Variants in DTHD1 observed in about 807,000 individuals in gnomAD.
DTHD1 encodes the protein death domain-containing protein 1.
In DTHD1, 59 loss-of-function variants were observed where a neutral mutation model predicts 74.8. That is an observed-to-expected ratio of 0.79 (90% CI 0.64 to 0.98). The LOEUF is 0.98. DTHD1 is among the 50% of genes least tolerant of loss of function. DTHD1 has a pLI of 0.00. For missense variants in DTHD1, 1,051 were observed against 1,065.4 expected (o/e 0.99, Z 0.19); for synonymous variants, 365 against 371.1 (o/e 0.98, Z 0.19).
intron 5 of DTHD1, among the ~76,000 whole-genome samples, chr4:36,302,450 C>G (rs926057073): frequency 2.6e-5 from 4 of 152,094 alleles, no homozygotes; most frequent in Non-Finnish European, 5.9e-5. Flanking sequence ...GGTAAGCACT[C>G]AGGTCATTTG....
intron 8 of DTHD1, among the ~76,000 whole-genome samples, chr4:36,326,317 T>G (rs1758340981): frequency 6.7e-6 from 1 of 149,930 alleles, no homozygotes; most frequent in Admixed American, 6.7e-5. Flanking sequence ...AATTTTTATT[T>G]ATATAAAAAT....
At position 36,294,853 on chromosome 4, in the gene DTHD1, A is replaced by G; in HGVS notation, c.1457A>G (p.Tyr486Cys). The G allele has an allele frequency of 6.4e-7, 1 of 1,551,370 alleles. No individual in the cohort carries two copies. Reference sequence around the variant, plus strand: ...TTAAAAGCACAGCAAGATACTTTCTACTCAGTCCAATCCACAAGCCCTCTG... The same window carrying G: ...TTAAAAGCACAGCAAGATACTTTCTGCTCAGTCCAATCCACAAGCCCTCTG... ...AHLKAQQDTF[Y>C]SVQSTSPLIH... Residue 486 changes from tyrosine to cysteine, a missense_variant, in exon 5 of 10, where the codon TAC becomes TGC. By Grantham distance (194) the Tyr-to-Cys change is radical. Transcript: ENST00000639862.
At position 36,346,313 on chromosome 4, in the gene DTHD1, C is replaced by T. The variant is rs947426165; in HGVS notation, c.*2489C>T. On this transcript the variant is annotated 3_prime_UTR_variant, in exon 10 of 10. Coordinates refer to ENST00000639862, the MANE Select transcript of DTHD1 (RefSeq NM_001170700.3). ...GCACATATACAATCTCATTAAAACACTCCCTGTCATAACCCTCCCGTCTTT... is the reference window on the plus strand; with the variant it reads ...GCACATATACAATCTCATTAAAACATTCCCTGTCATAACCCTCCCGTCTTT... Among the ~76,000 whole-genome samples the T allele has an allele frequency of 2.0e-5, 3 of 151,938 alleles. No homozygotes were observed. The highest frequency in any genetic ancestry group is 7.2e-5 in the African/African-American group (3 of 41,386).
chr4:36,285,510 A>G (rs538837232), intron 2 of DTHD1, among the ~76,000 whole-genome samples: 5 of 152,164 alleles, frequency 3.3e-5, no homozygotes, highest in Non-Finnish European at 7.4e-5. Flanking sequence ...CATAACTTCA[A>G]AAAAGTGAGA....
chr4:36,282,069 A>G, intron 1 of DTHD1, 40 bp downstream of exon 1: 1 of 1,488,072 alleles, frequency 6.7e-7, no homozygotes, highest in Non-Finnish European at 9.0e-7. Context: ...TCTCTAAGAA[A>G]TATTGATTAG....
chr4:36,289,597 A>T (rs1755931587), intron 2 of DTHD1, among the ~76,000 whole-genome samples: 1 of 152,172 alleles, frequency 6.6e-6, no homozygotes, highest in Non-Finnish European at 1.5e-5. Context: ...TTGTGAGAAT[A>T]GTGTGTAACC....
At position 36,283,959 on chromosome 4, in the gene DTHD1, C is replaced by A; in HGVS notation, c.272-17C>A. 1 of 1,464,600 alleles carries A rather than the reference C, an allele frequency of 6.8e-7. No homozygotes were observed. Among genetic ancestry groups the A allele is most frequent in the Non-Finnish European group, 9.2e-7 (1 of 1,086,526 alleles). 90.7% of individuals were successfully genotyped at this position (1,464,600 alleles called of 1,614,324 possible). On this transcript the variant is annotated splice_polypyrimidine_tract_variant and intron_variant, in intron 1 of 9. Transcript: ENST00000639862. ...GTTTTGTATTTATTCTTTGTGTGTC[C>A]ATGTATGTGTGTGTAGAAATCATTA... is the stretch of plus-strand genomic sequence containing the variant.
In DTHD1 at chr4:36,345,501, T is replaced by C. The variant is rs1218645012; in HGVS notation, c.*1677T>C. On this transcript the variant is annotated 3_prime_UTR_variant, in exon 10 of 10. Coordinates refer to ENST00000639862, the MANE Select transcript of DTHD1 (RefSeq NM_001170700.3). The stretch of plus-strand genomic sequence containing the variant: ...TAAATGTTTTAATCTCTTTCAAATT[T>C]AAACGCAAGACTTCCTTCTACAAAT... The C allele has an allele frequency of 1.3e-5, 2 of 152,214 alleles. No homozygotes were observed. The highest frequency in any genetic ancestry group is 2.9e-5 in the Non-Finnish European group (2 of 68,040). The allele number at this position is 152,214 out of a possible 1,614,324, so 9.4% of individuals were successfully genotyped here.
At chr4:36,337,146 C>G (rs1446301314) in intron 8 of DTHD1, among the ~76,000 whole-genome samples, 4 of 151,750 alleles carry the variant, frequency 2.6e-5, no homozygotes, top group Non-Finnish European at 5.9e-5. Flanking sequence ...AAAGAGGGCA[C>G]AGACCAAAAT....
Position 36,290,646 on chromosome 4 carries a change from C to A in DTHD1, c.1161C>A (p.Asn387Lys), listed in dbSNP as rs1756021758. ...TCATGGTGAAAGTGTGTGACATAAACCTTCAATCAAGTTACCTAAACCCAA... is the reference window on the plus strand; with the variant it reads ...TCATGGTGAAAGTGTGTGACATAAAACTTCAATCAAGTTACCTAAACCCAA... ...RDIMVKVCDI[N>K]LQSSYLNPNS... is the part of the protein sequence containing the mutation. Residue 387 changes from asparagine (N) to lysine (K), a missense_variant, in exon 3 of 10, where the codon AAC (asparagine) becomes AAA (lysine). Coordinates refer to ENST00000639862, the MANE Select transcript of DTHD1 (RefSeq NM_001170700.3). 2.6e-6 allele frequency: 4 copies of A among 1,547,372 alleles called. No individual in the cohort carries two copies. The South Asian group carries it at 3.6e-5, about 14-fold the overall frequency.
rs1369458933 is a variant in DTHD1 at position 36,339,129 on chromosome 4, C to A, written c.2358C>A (p.Asn786Lys). The A allele has an allele frequency of 6.5e-7, 1 of 1,548,050 alleles. No individual in the cohort carries two copies. ...CCCAATAGCATAAGAAATTAATCAA[C>A]CGTCCACAGAGTACCAAAAGAGTTT... ...LKLPKHKKLI[N>K]RPQSTKRVSK... is the part of the protein sequence containing the mutation. Residue 786 changes from asparagine to lysine, a missense_variant, in exon 9 of 10, where the codon AAC (asparagine) becomes AAA (lysine). Transcript: ENST00000639862.
At chr4:36,287,228 G>T (rs1405508173) in intron 2 of DTHD1, among the ~76,000 whole-genome samples, 3 of 152,140 alleles carry the variant, frequency 2.0e-5, no homozygotes, top group African/African-American at 7.2e-5. Context: ...AAAATAAAAT[G>T]TTTGTTTTTC....
chr4:36,309,572 C>T (rs73229058), intron 7 of DTHD1, among the ~76,000 whole-genome samples: 9,211 of 152,210 alleles, frequency 0.061, 398 homozygotes, highest in East Asian at 0.18. Flanking sequence ...TACCCTTCAC[C>T]GGAATGAAAA....
At chr4:36,283,903 A>T in intron 1 of DTHD1, 73 bp from the exon 2 acceptor site, 2 of 1,051,590 alleles carry the variant, frequency 1.9e-6, no homozygotes, top group Non-Finnish European at 2.7e-6. Context: ...ATGTTTCATT[A>T]GATGTCAGTG....
intron 8 of DTHD1, among the ~76,000 whole-genome samples, chr4:36,330,091 A>G (rs1758579939): frequency 6.6e-6 from 1 of 152,204 alleles, no homozygotes; most frequent in Non-Finnish European, 1.5e-5. Flanking sequence ...ATATAACTCA[A>G]TGCATCTTTC....
rs550289398 is a variant in DTHD1, at chr4:36,309,346, G to A, written c.2095+853G>A. On this transcript the variant is annotated intron_variant, in intron 7 of 9. Coordinates refer to ENST00000639862, the MANE Select transcript of DTHD1 (RefSeq NM_001170700.3). ...CAGGTGCCTGTAATCCCAGCCGCTG[G>A]GAGGCTGAGGCAGGAGAATCACTTG... is the stretch of plus-strand genomic sequence containing the variant. Among the ~76,000 whole-genome samples, 6 of 152,304 alleles carry A rather than the reference G, an allele frequency of 3.9e-5. No individual in the cohort carries two copies. In the South Asian group the frequency reaches 6.2e-4, roughly 16 times the overall value.
chr4:36,309,013 A>G (rs529841045), intron 7 of DTHD1, among the ~76,000 whole-genome samples: 4 of 152,334 alleles, frequency 2.6e-5, no homozygotes, highest in African/African-American at 7.2e-5. Flanking sequence ...GAATAGATCT[A>G]TATTTCAGTA....
At position 36,306,220 on chromosome 4, in the gene DTHD1, G is replaced by T; in HGVS notation, c.1673G>T (p.Arg558Met). The T allele has an allele frequency of 1.3e-6, 2 of 1,551,802 alleles. No individual in the cohort carries two copies. The highest frequency in any genetic ancestry group is 1.7e-6 in the Non-Finnish European group (2 of 1,147,004). Residue 558 changes from arginine to methionine, a missense_variant, in exon 6 of 10, where the codon AGG becomes ATG. Arg to Met is a moderately conservative substitution (Grantham distance 91, BLOSUM62 -1). Transcript: ENST00000639862. The part of the protein sequence containing the change: ...RTKIASIRKP[R>M]KNASECLKLL... ...AAAATTGCCTCCATAAGAAAACCTAGGAAAAATGCCAGTGAATGTTTGAAA... is the reference window on the plus strand; with the variant it reads ...AAAATTGCCTCCATAAGAAAACCTATGAAAAATGCCAGTGAATGTTTGAAA...
intron 5 of DTHD1, among the ~76,000 whole-genome samples, chr4:36,296,991 C>G (rs924929409): frequency 1.3e-5 from 2 of 152,034 alleles, no homozygotes; most frequent in Non-Finnish European, 2.9e-5. Context: ...GGTATATGTA[C>G]TATATACTGC....
Sources: gnomAD v4.1 joint callset for allele counts (sites outside exome capture counted in the v4.1 genomes callset) on GRCh38, gnomAD v4.1.1 for gene constraint, MANE v1.5 for transcripts, NCBI Gene and HGNC (gene_info 2026-07-23, HGNC 2026-07-21) for gene names.